CFAP299: variants seen among roughly 807,000 people sequenced by gnomAD.
The protein encoded by CFAP299 is cilia- and flagella-associated protein 299.
Under a neutral mutation model 27.0 loss-of-function variants are expected in CFAP299, and 21 were observed. The observed-to-expected ratio is 0.78, with a 90% CI of 0.55 to 1.12. The LOEUF (loss-of-function observed/expected upper bound fraction) is 1.12. Among genes scored for constraint, CFAP299 ranks in the 50% most tolerant of loss-of-function variants. The pLI, the probability that CFAP299 is intolerant of heterozygous loss-of-function variation, is 0.00. For synonymous variants in CFAP299, 104 were observed against 98.1 expected (o/e 1.06, Z -0.36); for missense variants, 310 against 276.6 (o/e 1.12, Z -0.86).
At chr4:80,544,548 A>C (rs1010914358) in intron 2 of CFAP299, among the ~76,000 whole-genome samples, 2 of 152,222 alleles carry the variant, frequency 1.3e-5, no homozygotes, top group African/African-American at 4.8e-5. Context: ...TGGAAAACAA[A>C]AAAGAACAGA....
chr4:80,547,267 A>G (rs1437230754), intron 2 of CFAP299, among the ~76,000 whole-genome samples: 1 of 152,194 alleles, frequency 6.6e-6, no homozygotes, highest in Non-Finnish European at 1.5e-5. Context: ...AACAATAACA[A>G]ACAATGAGGA....
chr4:80,573,200 A>G (rs963058675), intron 2 of CFAP299, among the ~76,000 whole-genome samples: 3 of 152,040 alleles, frequency 2.0e-5, no homozygotes, highest in Non-Finnish European at 4.4e-5. Flanking sequence ...TATAGTTTTG[A>G]TTTGCATTTT....
chr4:80,900,466 T>G (rs1203427072), intron 4 of CFAP299, among the ~76,000 whole-genome samples: 1 of 152,148 alleles, frequency 6.6e-6, no homozygotes, highest in Non-Finnish European at 1.5e-5. Flanking sequence ...GCAAATAATT[T>G]GTCAAGACTA....
At chr4:80,333,506 A>G (rs139137148), upstream of CFAP299, among the ~76,000 whole-genome samples, 950 of 152,314 alleles carry the variant, frequency 6.2e-3, 2 homozygotes, top group Middle Eastern at 0.024. Flanking sequence ...TGTCATGTCA[A>G]CAAACCAAAG....
chr4:80,838,614 T>TG (rs1435522312), intron 3 of CFAP299, among the ~76,000 whole-genome samples: 1 of 152,120 alleles, frequency 6.6e-6, no homozygotes, highest in Non-Finnish European at 1.5e-5. Flanking sequence ...TCTGTTCCTT[T>TG]GGTCTATGTA....
rs1352171408 is a variant in CFAP299 at position 80,362,816 on chromosome 4, A to G, written c.174A>G (p.Lys58=). Residue 58 remains lysine, a synonymous_variant, in exon 2 of 6, where the codon AAA becomes AAG. Coordinates refer to ENST00000358105, the MANE Select transcript of CFAP299 (RefSeq NM_152770.3). ...ACCGAGGGACTGGAGAGAGAGTGAA[A>G]AGGGAAGATTTTGAAGCAAGGAAAG... is the stretch of plus-strand genomic sequence containing the variant. ...LGYRGTGERV[K]REDFEARKAA... 4 of 1,613,292 alleles carry G rather than the reference A, an allele frequency of 2.5e-6. No homozygotes were observed. The South Asian group carries it at 4.4e-5, about 18-fold the overall frequency.
In CFAP299 at chr4:80,531,747, G is replaced by GTTTT. The variant is rs200507684; in HGVS notation, c.243-51326_243-51323dup. The stretch of plus-strand genomic sequence containing the variant: ...CCCATTTCTGACTGATAAGATAGAA[G>GTTTT]TTTTTTTTTTTTTTTTTTTTTTTGA... On this transcript the variant is annotated intron_variant, in intron 2 of 5. Coordinates refer to ENST00000358105, the MANE Select transcript of CFAP299 (RefSeq NM_152770.3). Among the ~76,000 whole-genome samples the GTTTT allele has an allele frequency of 6.4e-4, 74 of 116,472 alleles. 2 individuals carry two copies. Among genetic ancestry groups the GTTTT allele is most frequent in the African/African-American group, 1.5e-3 (44 of 29,560 alleles). The allele number at this position is 116,472 out of a possible 152,430, so 76.4% of individuals were successfully genotyped here.
chr4:80,433,176 A>AG (rs1393108611), intron 2 of CFAP299, among the ~76,000 whole-genome samples: 2 of 152,178 alleles, frequency 1.3e-5, no homozygotes, highest in African/African-American at 4.8e-5. Flanking sequence ...GGAAAAAAAA[A>AG]GATTCATAAA....
chr4:80,795,081 A>G (rs1165141618), intron 3 of CFAP299, among the ~76,000 whole-genome samples: 3 of 152,134 alleles, frequency 2.0e-5, no homozygotes, highest in Admixed American at 2.0e-4. Flanking sequence ...TGTCCACAGA[A>G]CGGGGCATGC....
intron 3 of CFAP299, among the ~76,000 whole-genome samples, chr4:80,613,660 C>T (rs1738116818): frequency 6.6e-6 from 1 of 152,078 alleles, no homozygotes; most frequent in South Asian, 2.1e-4. Context: ...ATCAGAATCA[C>T]CTATGTTGAT....
chr4:80,893,427 G>A (rs1218611619), intron 4 of CFAP299, among the ~76,000 whole-genome samples: 4 of 151,836 alleles, frequency 2.6e-5, no homozygotes, highest in Non-Finnish European at 5.9e-5. Context: ...GCAACCTTGA[G>A]CAAGAGGAGC....
At chr4:80,864,542 A>G (rs951520493) in intron 3 of CFAP299, among the ~76,000 whole-genome samples, 3 of 147,970 alleles carry the variant, frequency 2.0e-5, no homozygotes, top group African/African-American at 7.4e-5. Flanking sequence ...ATACGTATAT[A>G]TAGGTATATA....
chr4:80,705,144 A>G (rs2110031078), intron 3 of CFAP299, among the ~76,000 whole-genome samples: 1 of 151,932 alleles, frequency 6.6e-6, no homozygotes, highest in Non-Finnish European at 1.5e-5. Flanking sequence ...TACATTAAAT[A>G]ATATAATAGT....
chr4:80,444,104 C>T (rs76209605), intron 2 of CFAP299, among the ~76,000 whole-genome samples: 3 of 152,172 alleles, frequency 2.0e-5, no homozygotes, highest in South Asian at 4.1e-4. Flanking sequence ...GCCACACTGC[C>T]CACAGTAGTT....
intron 3 of CFAP299, among the ~76,000 whole-genome samples, chr4:80,679,258 T>C (rs1294837089): frequency 6.6e-6 from 1 of 152,094 alleles, no homozygotes; most frequent in Non-Finnish European, 1.5e-5. Flanking sequence ...TCCTTTACAT[T>C]GATGAGTAGT....
chr4:80,672,623 C>T (rs1326347088), intron 3 of CFAP299, among the ~76,000 whole-genome samples: 2 of 152,148 alleles, frequency 1.3e-5, no homozygotes, highest in East Asian at 3.8e-4. Context: ...AGCTGTGAAT[C>T]CATCTGGTCT....
rs546412863 is a variant in CFAP299, at chr4:80,701,096, C to A, written c.333+117913C>A. Among the ~76,000 whole-genome samples, 620 of 152,036 alleles carry A rather than the reference C, an allele frequency of 4.1e-3. 2 individuals carry two copies. The highest frequency in any genetic ancestry group is 7.9e-3 in the South Asian group (38 of 4,820). ...CAAGTTCATATTTTTAAGCACTGTG[C>A]TATTTTGCCTTCCATACTTTGAATA... On this transcript the variant is annotated intron_variant, in intron 3 of 5. Transcript: ENST00000358105.
intron 4 of CFAP299, among the ~76,000 whole-genome samples, chr4:80,927,962 A>G (rs939192529): frequency 1.3e-5 from 2 of 152,122 alleles, no homozygotes; most frequent in Non-Finnish European, 2.9e-5. Context: ...TACCTACCAC[A>G]TCTATCAGCA....
rs549897746 is a variant in CFAP299 at position 80,439,447 on chromosome 4, C to T, written c.242+76563C>T. ...ACCTCACCCGGGAAGCTCAAGGGCTCGGGGAACTCCCTCCCCTTGTCAAGG... is the reference window on the plus strand; with the variant it reads ...ACCTCACCCGGGAAGCTCAAGGGCTTGGGGAACTCCCTCCCCTTGTCAAGG... On this transcript the variant is annotated intron_variant, in intron 2 of 5. Coordinates refer to ENST00000358105, the MANE Select transcript of CFAP299 (RefSeq NM_152770.3). Among the ~76,000 whole-genome samples, 168 of 152,278 alleles carry T rather than the reference C, an allele frequency of 1.1e-3. 1 individual carries two copies. Among genetic ancestry groups the T allele is most frequent in the Middle Eastern group, 3.4e-3 (1 of 294 alleles).
Sources: gnomAD v4.1 joint callset for allele counts (sites outside exome capture counted in the v4.1 genomes callset) on GRCh38, gnomAD v4.1.1 for gene constraint, MANE v1.5 for transcripts, NCBI Gene and HGNC (gene_info 2026-07-23, HGNC 2026-07-21) for gene names.